Variants in AEN observed in about 807,000 individuals in gnomAD.
AEN encodes the protein apoptosis-enhancing nuclease.
AEN carries 21 observed loss-of-function variants against 17.7 expected under a neutral mutation model. The observed-to-expected ratio is 1.19, with a 90% confidence interval of 0.84 to 1.71. AEN has a LOEUF of 1.71. Ranked by LOEUF, AEN falls within the 40% of genes most tolerant of loss-of-function variation. AEN has a pLI of 0.00. For missense variants in AEN, 462 were observed against 435.9 expected (o/e 1.06, Z -0.53); for synonymous variants, 190 against 173.0 (o/e 1.10, Z -0.77).
chr15:88,630,344 TG>T lies in AEN; in HGVS notation c.*55del. ...GGCTTCCGGTGTGGCCGGTAGGAAG[TG>T]GGGGCCAGGAGAGCAGCGGGCACTC... On this transcript the variant is annotated 3_prime_UTR_variant, in exon 4 of 4. Transcript: ENST00000332810. This position sits in a 1 kb window ranked among gnomAD's most constrained non-coding sequence, Gnocchi z 5.1. The T allele has an allele frequency of 6.6e-7, 1 of 1,519,696 alleles. No homozygotes were observed. The highest frequency in any genetic ancestry group is 8.9e-7 in the Non-Finnish European group (1 of 1,120,714). The allele number at this position is 1,519,696 out of a possible 1,614,324, so 94.1% of individuals were successfully genotyped here.
At chr15:88,622,386 G>A (rs1300973722) in intron 1 of AEN, among the ~76,000 whole-genome samples, 1 of 152,218 alleles carries the variant, frequency 6.6e-6, no homozygotes, top group Admixed American at 6.5e-5. Context: ...TGACGTGTCA[G>A]CATGTAGCAG....
the AEN span, among the ~76,000 whole-genome samples, chr15:88,613,650 G>C: frequency 3.9e-5 from 6 of 151,912 alleles, no homozygotes; most frequent in African/African-American, 7.3e-5. Flanking sequence ...GTTAAGTGGT[G>C]GGGGGAGTCC....
chr15:88,616,143 A>C, the AEN span, among the ~76,000 whole-genome samples: 1 of 150,906 alleles, frequency 6.6e-6, no homozygotes, highest in Admixed American at 6.6e-5. Flanking sequence ...ATCCAGGCTG[A>C]AGTGCAGTGG....
Position 88,626,529 on chromosome 15 carries a change from C to A in AEN, c.320C>A (p.Pro107His). ...CCCGGGAAAGCCTCAGGGCCCTTGC[C>A]CAGCAAGTGTGTGGCTATCGACTGT... ...PAPGKASGPL[P>H]SKCVAIDCEM... Residue 107 changes from proline (P) to histidine (H), a missense_variant, in exon 2 of 4, where the codon CCC becomes CAC. Pro to His is a moderately conservative substitution (Grantham distance 77). Transcript: ENST00000332810. 6.2e-7 allele frequency: 1 copy of A among 1,614,166 alleles called. No homozygotes were observed. The highest frequency in any genetic ancestry group is 1.3e-5 in the African/African-American group (1 of 75,066).
the AEN span, among the ~76,000 whole-genome samples, chr15:88,610,298 C>T: frequency 6.8e-6 from 1 of 147,846 alleles, no homozygotes; most frequent in Non-Finnish European, 1.5e-5. Context: ...GGCAAAGAGG[C>T]ACGGGGCTAT....
chr15:88,621,133 CTT>C (rs994648106), upstream of AEN, among the ~76,000 whole-genome samples: 14 of 152,192 alleles, frequency 9.2e-5, no homozygotes, highest in African/African-American at 3.1e-4. Flanking sequence ...CTTCCCTTCT[CTT>C]TAAAATTTCC....
chr15:88,626,158 T>C lies in AEN; in HGVS notation c.-52T>C, dbSNP rs574298842. The C allele has an allele frequency of 2.0e-5, 30 of 1,516,046 alleles. No individual in the cohort carries two copies. The highest frequency in any genetic ancestry group is 1.2e-4 in the African/African-American group (9 of 72,012). The allele number at this position is 1,516,046 out of a possible 1,614,324, so 93.9% of individuals were successfully genotyped here. On this transcript the variant is annotated 5_prime_UTR_variant, in exon 2 of 4. Transcript: ENST00000332810. Reference sequence around the variant, plus strand: ...GTTCTCTCTTCAGGCTGCTGCCCCATTGGAAGATTACTCCCCAGGCTTCCC... The same window carrying C: ...GTTCTCTCTTCAGGCTGCTGCCCCACTGGAAGATTACTCCCCAGGCTTCCC...
At chr15:88,629,544 C>G (rs776405354) in intron 3 of AEN, 118 bp downstream of exon 3, 3 of 1,258,440 alleles carry the variant, frequency 2.4e-6, no homozygotes, top group East Asian at 2.4e-5. Context: ...CTTCCCTAGT[C>G]CAGGTCCAGG....
chr15:88,606,641 A>C, the AEN span, among the ~76,000 whole-genome samples: 4 of 152,022 alleles, frequency 2.6e-5, no homozygotes, highest in Non-Finnish European at 5.9e-5. Flanking sequence ...ACTGATAATC[A>C]GTGAGCACCT....
chr15:88,628,377 G>A (rs1238327356), intron 2 of AEN: 4 of 152,230 alleles, frequency 2.6e-5, no homozygotes, highest in African/African-American at 9.6e-5. Context: ...GTGATAAGGA[G>A]AGCCCAAGCC....
Position 88,629,264 on chromosome 15 carries a change from C to T in AEN, c.579C>T (p.His193=), listed in dbSNP as rs755451769. ...KLLKGKVVVG[H]ALHNDFQALK... ...TGAAGGGCAAGGTGGTGGTGGGGCA[C>T]GCGCTGCACAACGACTTCCAGGCGC... The change falls in exon 3 of 4, where the codon CAC becomes CAT. Residue 193 remains histidine (H), a synonymous_variant. Transcript: ENST00000332810. 9.8e-5 allele frequency: 158 copies of T among 1,613,976 alleles called. No individual in the cohort carries two copies. The highest frequency in any genetic ancestry group is 1.3e-4 in the Non-Finnish European group (148 of 1,180,010).
At chr15:88,617,967 G>A (rs2057752092), upstream of AEN, among the ~76,000 whole-genome samples, 1 of 152,258 alleles carries the variant, frequency 6.6e-6, no homozygotes, top group East Asian at 1.9e-4. Flanking sequence ...GAACAGGCTG[G>A]CCTCAGGATA....
chr15:88,614,994 G>T, the AEN span, among the ~76,000 whole-genome samples: 1 of 152,134 alleles, frequency 6.6e-6, no homozygotes, highest in African/African-American at 2.4e-5. Flanking sequence ...CTCCCGAACA[G>T]CTGGGACTAC....
chr15:88,630,340 G>A lies in AEN; in HGVS notation c.*46G>A. Reference sequence around the variant, plus strand: ...GCTGGGCTTCCGGTGTGGCCGGTAGGAAGTGGGGGCCAGGAGAGCAGCGGG... The same window carrying A: ...GCTGGGCTTCCGGTGTGGCCGGTAGAAAGTGGGGGCCAGGAGAGCAGCGGG... On this transcript the variant is annotated 3_prime_UTR_variant, in exon 4 of 4. Transcript: ENST00000332810. This position sits in a 1 kb window ranked among gnomAD's most constrained non-coding sequence, Gnocchi z 5.1. 1 of 1,526,030 alleles carries A rather than the reference G, an allele frequency of 6.6e-7. No homozygotes were observed. The highest frequency in any genetic ancestry group is 1.2e-5 in the South Asian group (1 of 83,228). The allele number at this position is 1,526,030 out of a possible 1,614,324, so 94.5% of individuals were successfully genotyped here.
Position 88,626,722 on chromosome 15 carries a change from T to C in AEN, c.513T>C (p.Ala171=), listed in dbSNP as rs762381345. 6.2e-7 allele frequency: 1 copy of C among 1,611,322 alleles called. No individual in the cohort carries two copies. The highest frequency in any genetic ancestry group is 8.5e-7 in the Non-Finnish European group (1 of 1,179,970). ...SGITRQHMRK[A]VPFQVAQKEI... is the part of the protein sequence containing the mutation. ...TCACTCGGCAGCACATGCGCAAGGC[T>C]GTCCCCTTCCAGGTGGCCCAGAAAG... Residue 171 remains alanine (A), a synonymous_variant, in exon 2 of 4, where the codon GCT becomes GCC. Coordinates refer to ENST00000332810, the MANE Select transcript of AEN (RefSeq NM_022767.4).
At chr15:88,617,981 C>G (rs1452171344), upstream of AEN, among the ~76,000 whole-genome samples, 1 of 152,202 alleles carries the variant, frequency 6.6e-6, no homozygotes, top group African/African-American at 2.4e-5. Context: ...CAGGATAAAG[C>G]AATCTCTGAT....
At chr15:88,610,510 C>T in the AEN span, among the ~76,000 whole-genome samples, 1 of 152,064 alleles carries the variant, frequency 6.6e-6, no homozygotes, top group African/African-American at 2.4e-5. Flanking sequence ...CACAAAAGAA[C>T]TTCTTGGTTT....
the AEN span, among the ~76,000 whole-genome samples, chr15:88,606,500 C>T: frequency 1.3e-5 from 2 of 151,630 alleles, no homozygotes; most frequent in South Asian, 4.2e-4. Context: ...GAGGGAGAGG[C>T]GCTATCACAA....
chr15:88,608,916 T>C, the AEN span, among the ~76,000 whole-genome samples: 3 of 152,176 alleles, frequency 2.0e-5, no homozygotes, highest in South Asian at 6.2e-4. Flanking sequence ...GGTCTGTTTA[T>C]TTTTCTCTTT....
Sources: gnomAD v4.1 joint callset for allele counts (sites outside exome capture counted in the v4.1 genomes callset) on GRCh38, gnomAD v4.1.1 for gene constraint, Gnocchi (gnomAD v3.1) non-coding constraint, MANE v1.5 for transcripts, NCBI Gene and HGNC (gene_info 2026-07-23, HGNC 2026-07-21) for gene names.